The following PHC2 variants were observed in gnomAD, a reference collection of about 807,000 sequenced individuals.
PHC2 encodes the protein polyhomeotic homolog 2.
In PHC2, 29 loss-of-function variants were observed where a neutral mutation model predicts 87.4. The observed-to-expected ratio is 0.33, with a 90% CI of 0.25 to 0.45. The LOEUF is 0.45. Among genes scored for constraint, PHC2 ranks in the 20% least tolerant of loss-of-function variants. The probability of loss-of-function intolerance (pLI) is 1.00; values close to 1 mark genes in which losing one functional copy is unlikely to be tolerated. For missense variants in PHC2, 857 were observed against 1,136.7 expected, an observed-to-expected ratio of 0.75 and a Z score of 3.54; for synonymous variants, 438 against 461.7, an observed-to-expected ratio of 0.95 and a Z score of 0.66.
chr1:33,407,173 A>T (rs1330753063), intron 1 of PHC2, among the ~76,000 whole-genome samples: 1 of 152,176 alleles, frequency 6.6e-6, no homozygotes, highest in Non-Finnish European at 1.5e-5. Context: ...GATATTTTCA[A>T]GCTCATTAAA....
intron 9 of PHC2, chr1:33,346,627 G>T (rs2148252209): frequency 1.0e-6 from 1 of 985,414 alleles, no homozygotes; most frequent in Middle Eastern, 5.2e-4. Flanking sequence ...ACAGGAACTG[G>T]AGTCACCAAC....
chr1:33,353,793 G>C (rs1197377082), intron 9 of PHC2, among the ~76,000 whole-genome samples: 1 of 152,206 alleles, frequency 6.6e-6, no homozygotes, highest in Non-Finnish European at 1.5e-5. Context: ...TTTGCAGAAG[G>C]CGGAGGTACT....
At chr1:33,422,354 C>G (rs941848331) in intron 1 of PHC2, among the ~76,000 whole-genome samples, 1 of 152,126 alleles carries the variant, frequency 6.6e-6, no homozygotes, top group Non-Finnish European at 1.5e-5. Context: ...GGTATAGAAG[C>G]TTATTAAATG....
chr1:33,372,572 C>T (rs72658271), intron 2 of PHC2, 125 bp from the exon 3 acceptor site: 89,476 of 648,242 alleles, frequency 0.14, 6,472 homozygotes, highest in East Asian at 0.29. Context: ...TCTGTGACCA[C>T]CACCACAGCC....
intron 1 of PHC2, among the ~76,000 whole-genome samples, chr1:33,416,968 C>T (rs999394965): frequency 1.3e-5 from 2 of 151,862 alleles, no homozygotes; most frequent in African/African-American, 4.8e-5. Flanking sequence ...AAATAAAATA[C>T]ATGACAATAA....
intron 7 of PHC2, among the ~76,000 whole-genome samples, chr1:33,362,843 T>C (rs570063375): frequency 1.3e-5 from 2 of 152,364 alleles, no homozygotes; most frequent in East Asian, 3.9e-4. Context: ...ACACCCATAG[T>C]GTTCAGCATA....
chr1:33,350,077 T>A (rs1570471469), intron 9 of PHC2, among the ~76,000 whole-genome samples: 1 of 151,332 alleles, frequency 6.6e-6, no homozygotes, highest in African/African-American at 2.4e-5. Context: ...GGGCTCAGCT[T>A]AGGGAGGCGG....
chr1:33,373,448 TCTCC>T (rs1448302578), intron 2 of PHC2, among the ~76,000 whole-genome samples: 1 of 151,908 alleles, frequency 6.6e-6, no homozygotes, highest in African/African-American at 2.4e-5. Flanking sequence ...TTCCTCTCTC[TCTCC>T]ATCATTCCCT....
chr1:33,407,265 T>C (rs1649803056), intron 1 of PHC2, among the ~76,000 whole-genome samples: 2 of 152,230 alleles, frequency 1.3e-5, no homozygotes, highest in Admixed American at 6.5e-5. Context: ...GGGACTCTGT[T>C]GTTTCTGCTG....
intron 13 of PHC2, 77 bp downstream of exon 13, chr1:33,329,994 A>T: frequency 2.6e-6 from 4 of 1,517,696 alleles, no homozygotes; most frequent in Non-Finnish European, 3.6e-6. Flanking sequence ...GCTGGAGGGG[A>T]CCGTGGTGTC....
chr1:33,329,322 C>CT (rs1293843657), intron 13 of PHC2, among the ~76,000 whole-genome samples, 176 bp from the exon 14 acceptor site: 4 of 152,330 alleles, frequency 2.6e-5, no homozygotes, highest in African/African-American at 7.2e-5. Flanking sequence ...GTTAGTCCCT[C>CT]TTAGTATTGT....
intron 8 of PHC2, 28 bp downstream of exon 8, chr1:33,354,810 C>T (rs1403130158): frequency 6.2e-7 from 1 of 1,603,514 alleles, no homozygotes; most frequent in Non-Finnish European, 8.5e-7. Flanking sequence ...CCCGTGTGCT[C>T]CCTGGACCTT....
intron 14 of PHC2, among the ~76,000 whole-genome samples, chr1:33,328,504 C>A (rs1170586122): frequency 6.6e-6 from 1 of 151,684 alleles, no homozygotes; most frequent in South Asian, 2.1e-4. Context: ...GTGTGAGCCA[C>A]CACACCTGGC....
At chr1:33,402,678 C>G (rs915316648) in intron 1 of PHC2, among the ~76,000 whole-genome samples, 3 of 151,874 alleles carry the variant, frequency 2.0e-5, no homozygotes, top group Non-Finnish European at 4.4e-5. Context: ...TAATGCTGAA[C>G]AAAAGAAGCA....
chr1:33,349,851 C>CGG lies in PHC2; in HGVS notation c.1558+4549_1558+4550insCC. ...CGCGGGCGGCGGCCGGGGTTGCGCGCGCGCGCGCGGCGGGCGCTCGAGGGC... is the reference window on the plus strand; with the variant it reads ...CGCGGGCGGCGGCCGGGGTTGCGCGCGGGCGCGCGCGGCGGGCGCTCGAGGGC... On this transcript the variant is annotated intron_variant, in intron 9 of 14. Coordinates refer to ENST00000683057, the MANE Select transcript of PHC2 (RefSeq NM_001385109.1). The surrounding 1 kb of genome is among the most constrained non-coding windows in gnomAD (Gnocchi z 4.2). The CGG allele has an allele frequency of 1.0e-6, 1 of 976,494 alleles. No homozygotes were observed. Among genetic ancestry groups the CGG allele is most frequent in the Non-Finnish European group, 1.2e-6 (1 of 825,326 alleles). 60.5% of individuals were successfully genotyped at this position (976,494 alleles called of 1,614,324 possible). A position where few individuals can be genotyped will look rare whatever the true frequency, so the allele number is the denominator to read the frequency against.
At chr1:33,378,818 ATATT>A (rs1235596687) in intron 1 of PHC2, among the ~76,000 whole-genome samples, 1 of 152,044 alleles carries the variant, frequency 6.6e-6, no homozygotes, top group Non-Finnish European at 1.5e-5. Context: ...TGGAAAAATA[ATATT>A]TATTTGTCAT....
chr1:33,363,932 C>T, intron 7 of PHC2: 1 of 983,974 alleles, frequency 1.0e-6, no homozygotes. Flanking sequence ...GAAGGGCAAG[C>T]CAGGCCCTTC....
Position 33,349,836 on chromosome 1 carries a change from G to T in PHC2, c.1558+4565C>A. ...AGGCCGGGGCGGGAGCGCGGGCGGC[G>T]GCCGGGGTTGCGCGCGCGCGCGCGG... On this transcript the variant is annotated intron_variant, in intron 9 of 14. Transcript: ENST00000683057. The surrounding 1 kb of genome is among the most constrained non-coding windows in gnomAD (Gnocchi z 4.2). 2 of 976,930 alleles carry T rather than the reference G, an allele frequency of 2.0e-6. No homozygotes were observed. The highest frequency in any genetic ancestry group is 2.4e-6 in the Non-Finnish European group (2 of 825,212). 60.5% of individuals were successfully genotyped at this position (976,930 alleles called of 1,614,324 possible).
chr1:33,392,867 G>A (rs1407444574), intron 1 of PHC2: 1 of 152,184 alleles, frequency 6.6e-6, no homozygotes, highest in Non-Finnish European at 1.5e-5. Context: ...AGCCAATCAG[G>A]GGCTGGGCTT....
Sources: allele counts gnomAD v4.1 joint callset (sites outside exome capture counted in the v4.1 genomes callset), GRCh38; gene constraint gnomAD v4.1.1; non-coding constraint Gnocchi (gnomAD v3.1); transcripts MANE v1.5; gene names NCBI Gene and HGNC (gene_info 2026-07-23, HGNC 2026-07-21).